Variants in MEF2C observed in about 807,000 individuals in gnomAD.
MEF2C encodes myocyte-specific enhancer factor 2C.
In MEF2C, 6 loss-of-function variants were observed where a neutral mutation model predicts 50.5. That is an observed-to-expected ratio of 0.12 (90% confidence interval 0.07 to 0.23). The LOEUF (loss-of-function observed/expected upper bound fraction) is 0.23, where lower values mean the gene tolerates loss of function less well. MEF2C is among the 10% of genes least tolerant of loss of function. The pLI is 1.00. For missense variants in MEF2C, 276 were observed against 605.0 expected, an observed-to-expected ratio of 0.46 and a Z score of 5.70; for synonymous variants, 183 against 228.0, an observed-to-expected ratio of 0.80 and a Z score of 1.78.
intron 4 of MEF2C, among the ~76,000 whole-genome samples, chr5:88,756,088 A>G (rs1415382239): frequency 6.6e-6 from 1 of 152,206 alleles, no homozygotes; most frequent in African/African-American, 2.4e-5. Flanking sequence ...AAATTCATAA[A>G]ATATACCAAG....
chr5:88,894,942 A>G (rs1015058782), intron 1 of MEF2C, among the ~76,000 whole-genome samples: 2 of 152,178 alleles, frequency 1.3e-5, no homozygotes, highest in African/African-American at 2.4e-5. Context: ...TTTGACCTTA[A>G]TTTTCTAAAT....
chr5:88,814,912 T>C (rs966870249), intron 2 of MEF2C, among the ~76,000 whole-genome samples: 3 of 152,130 alleles, frequency 2.0e-5, no homozygotes, highest in South Asian at 2.1e-4. Context: ...GATTTTACTG[T>C]GGCCCATTTT....
At chr5:88,743,668 G>T (rs1767956858) in intron 6 of MEF2C, 1 of 985,394 alleles carries the variant, frequency 1.0e-6, no homozygotes, top group Non-Finnish European at 1.2e-6. Flanking sequence ...CTAAGGTCTT[G>T]CTAGATGGAG....
intron 1 of MEF2C, among the ~76,000 whole-genome samples, chr5:88,882,293 G>A (rs988745613): frequency 6.6e-6 from 1 of 152,268 alleles, no homozygotes; most frequent in Admixed American, 6.5e-5. Flanking sequence ...TATTTGACTT[G>A]ACCTGAACAG....
At chr5:88,757,353 T>C (rs1418620997) in intron 4 of MEF2C, among the ~76,000 whole-genome samples, 2 of 152,158 alleles carry the variant, frequency 1.3e-5, no homozygotes, top group Non-Finnish European at 2.9e-5. Context: ...CCCACCCTTT[T>C]TTTGCCACTA....
chr5:88,736,591 A>C, intron 6 of MEF2C: 1 of 973,922 alleles, frequency 1.0e-6, no homozygotes. Context: ...ACCAGGCCTT[A>C]AGAGGAGTTT....
intron 3 of MEF2C, among the ~76,000 whole-genome samples, chr5:88,763,456 A>T (rs930728555): frequency 6.6e-6 from 1 of 152,114 alleles, no homozygotes; most frequent in East Asian, 1.9e-4. Flanking sequence ...GCTGATAACT[A>T]TTGTATTATG....
rs1310115231 is a variant in MEF2C, at chr5:88,718,244, C to T, written c.*4360G>A. On this transcript the variant is annotated 3_prime_UTR_variant, in exon 11 of 11. Transcript: ENST00000504921. ...AAAATGCACCACGGACACTGCATCACTAAGAAAGCCAGTAACTTTACTGAA... is the reference window on the plus strand; with the variant it reads ...AAAATGCACCACGGACACTGCATCATTAAGAAAGCCAGTAACTTTACTGAA... The T allele has an allele frequency of 6.6e-6, 1 of 152,200 alleles. No individual in the cohort carries two copies. The allele number at this position is 152,200 out of a possible 1,614,324, so 9.4% of individuals were successfully genotyped here. A position where few individuals can be genotyped will look rare whatever the true frequency, so the allele number is the denominator to read the frequency against.
At chr5:88,896,665 A>C (rs1835150843) in intron 1 of MEF2C, among the ~76,000 whole-genome samples, 1 of 152,226 alleles carries the variant, frequency 6.6e-6, no homozygotes. Context: ...ATTAAAAATC[A>C]TCACTCAAGA....
At position 88,734,097 on chromosome 5, in the gene MEF2C, G is replaced by C; in HGVS notation, c.638-2196C>G. The C allele has an allele frequency of 8.1e-6, 8 of 984,924 alleles. No homozygotes were observed. The South Asian group carries it at 3.3e-4, about 40-fold the overall frequency. The allele number at this position is 984,924 out of a possible 1,614,324, so 61.0% of individuals were successfully genotyped here. On this transcript the variant is annotated intron_variant, in intron 6 of 10. Transcript: ENST00000504921. ...AGCTTGACAAAATGGAGTGCTTAGA[G>C]GAGTTTTATATTTAATATGTCATCC... is the stretch of plus-strand genomic sequence containing the variant.
intron 1 of MEF2C, among the ~76,000 whole-genome samples, chr5:88,866,118 A>G (rs368069874): frequency 3.3e-4 from 50 of 152,264 alleles, no homozygotes; most frequent in African/African-American, 8.7e-4. Flanking sequence ...GAATGGTCTC[A>G]ATCTCCTAAC....
In MEF2C at chr5:88,825,413, G is replaced by A. The variant is rs899832768; in HGVS notation, c.-142-1483C>T. On this transcript the variant is annotated intron_variant, in intron 1 of 10. Transcript: ENST00000504921. ...CTCTACTAAACTGCAGCTCAGTTCT[G>A]CCTCTCATAATATGTATGTTGAGTA... is the stretch of plus-strand genomic sequence containing the variant. 8.0e-6 allele frequency: 7 copies of A among 869,618 alleles called. No individual in the cohort carries two copies. In the South Asian group the frequency reaches 3.2e-4, roughly 39 times the overall value. 53.9% of individuals were successfully genotyped at this position (869,618 alleles called of 1,614,324 possible).
At chr5:88,838,180 A>C (rs546091866) in intron 1 of MEF2C, among the ~76,000 whole-genome samples, 1 of 152,334 alleles carries the variant, frequency 6.6e-6, no homozygotes, top group East Asian at 1.9e-4. Flanking sequence ...AATTCTATGT[A>C]GAAAATGTGA....
Position 88,720,355 on chromosome 5 carries a change from T to C in MEF2C, c.*2249A>G, listed in dbSNP as rs932074650. On this transcript the variant is annotated 3_prime_UTR_variant, in exon 11 of 11. Coordinates refer to ENST00000504921, the MANE Select transcript of MEF2C (RefSeq NM_002397.5). Reference sequence around the variant, plus strand: ...TGATAGATTTTTTTTTTTTAATATATAAAACATTAGTACAAGGCAGGCTAG... The same window carrying C: ...TGATAGATTTTTTTTTTTTAATATACAAAACATTAGTACAAGGCAGGCTAG... 6.6e-6 allele frequency: 1 copy of C among 152,038 alleles called. No homozygotes were observed. Among genetic ancestry groups the C allele is most frequent in the Non-Finnish European group, 1.5e-5 (1 of 67,894 alleles). The allele number at this position is 152,038 out of a possible 1,614,324, so 9.4% of individuals were successfully genotyped here. A position where few individuals can be genotyped will look rare whatever the true frequency, so the allele number is the denominator to read the frequency against.
chr5:88,728,633 A>C lies in MEF2C; in HGVS notation c.965-5T>G. ...CTGCACTACTCAGAGAGTACTCTAG[A>C]TTAAAGAATAAAACAACAAGGGAAA... On this transcript the variant is annotated splice_polypyrimidine_tract_variant and splice_region_variant and intron_variant, in intron 9 of 10. Coordinates refer to ENST00000504921, the MANE Select transcript of MEF2C (RefSeq NM_002397.5). The C allele has an allele frequency of 7.2e-7, 1 of 1,391,786 alleles. No homozygotes were observed. The highest frequency in any genetic ancestry group is 1.9e-5 in the South Asian group (1 of 53,956). 86.2% of individuals were successfully genotyped at this position (1,391,786 alleles called of 1,614,324 possible). A position where few individuals can be genotyped will look rare whatever the true frequency, so the allele number is the denominator to read the frequency against.
At position 88,855,546 on chromosome 5, in the gene MEF2C, C is replaced by G. The variant is rs192673449; in HGVS notation, c.-143+27409G>C. Among the ~76,000 whole-genome samples the G allele has an allele frequency of 2.8e-3, 434 of 152,298 alleles. 3 individuals are homozygous for G. The South Asian group carries it at 0.035, about 12-fold the overall frequency. On this transcript the variant is annotated intron_variant, in intron 1 of 10. Coordinates refer to ENST00000504921, the MANE Select transcript of MEF2C (RefSeq NM_002397.5). ...GATACAGTTTGGCTGTGTCCCCACC[C>G]AAATCTCATCTTGAATTGTTCCCAT...
chr5:88,771,598 C>A, intron 3 of MEF2C: 5 of 985,402 alleles, frequency 5.1e-6, no homozygotes, highest in Non-Finnish European at 6.0e-6. Flanking sequence ...TGGTCCCTAA[C>A]ACAGGGCTTG....
At chr5:88,733,073 G>A in intron 6 of MEF2C, 3 of 985,066 alleles carry the variant, frequency 3.0e-6, no homozygotes, top group Non-Finnish European at 3.6e-6. Flanking sequence ...ACCAATACAA[G>A]GCAGCGTAGG....
chr5:88,818,137 G>A (rs1217124249), intron 2 of MEF2C, among the ~76,000 whole-genome samples: 1 of 151,852 alleles, frequency 6.6e-6, no homozygotes, highest in Non-Finnish European at 1.5e-5. Context: ...TTGAGATGAT[G>A]GATATGCTAA....
Sources: gnomAD v4.1 joint callset for allele counts (sites outside exome capture counted in the v4.1 genomes callset) on GRCh38, gnomAD v4.1.1 for gene constraint, MANE v1.5 for transcripts, NCBI Gene and HGNC (gene_info 2026-07-23, HGNC 2026-07-21) for gene names.